ATXN1: variants seen among roughly 807,000 people sequenced by gnomAD.
ATXN1 encodes the protein ataxin-1.
A neutral mutation model predicts 56.4 loss-of-function variants in ATXN1; 8 were observed. That is an observed-to-expected ratio of 0.14 (90% CI 0.08 to 0.26). ATXN1 has a LOEUF of 0.26. Among genes scored for constraint, ATXN1 ranks in the 10% least tolerant of loss-of-function variants. The pLI is 1.00. For synonymous variants in ATXN1, 514 were observed against 494.6 expected (o/e 1.04, Z -0.52); for missense variants, 987 against 1,106.5 (o/e 0.89, Z 1.53).
chr6:16,662,316 C>A (rs1372603386), intron 2 of ATXN1, among the ~76,000 whole-genome samples: 2 of 149,054 alleles, frequency 1.3e-5, no homozygotes, highest in African/African-American at 5.0e-5. Context: ...AATGAAGCAT[C>A]TGCATCTTCA....
intron 4 of ATXN1, among the ~76,000 whole-genome samples, chr6:16,566,084 G>A (rs886203278): frequency 6.6e-6 from 1 of 152,150 alleles, no homozygotes. Context: ...ACTGGAAATT[G>A]AGAGCAGATT....
intron 6 of ATXN1, among the ~76,000 whole-genome samples, chr6:16,347,835 G>A (rs1156751348): frequency 1.3e-5 from 2 of 152,232 alleles, no homozygotes; most frequent in Non-Finnish European, 2.9e-5. Context: ...CGAGCCAGCA[G>A]TGGTAACCTT....
At chr6:16,367,838 G>A (rs936798021) in intron 6 of ATXN1, among the ~76,000 whole-genome samples, 1 of 152,150 alleles carries the variant, frequency 6.6e-6, no homozygotes. Flanking sequence ...CTTTGGAAAG[G>A]GGGTAGGTCC....
chr6:16,586,795 C>T (rs1762634167), intron 3 of ATXN1, among the ~76,000 whole-genome samples: 1 of 151,974 alleles, frequency 6.6e-6, no homozygotes, highest in South Asian at 2.1e-4. Context: ...CTGAGGTGGG[C>T]GGATCATGAG....
chr6:16,760,254 C>A lies in ATXN1; in HGVS notation c.-730+1044G>T, dbSNP rs1004099445. ...CCTCCTCCGCGGCGGCCGCCGCCTC[C>A]TCCTCCTTCCCCTCCTCCTGGCTTC... On this transcript the variant is annotated intron_variant, in intron 1 of 7. Transcript: ENST00000436367. This position sits in a 1 kb window ranked among gnomAD's most constrained non-coding sequence, Gnocchi z 5.3. 6.6e-6 allele frequency among the ~76,000 whole-genome samples: 1 copy of A among 152,014 alleles called. No homozygotes were observed. The highest frequency in any genetic ancestry group is 1.5e-5 in the Non-Finnish European group (1 of 67,966).
chr6:16,364,132 G>GA (rs1561867965), intron 6 of ATXN1, among the ~76,000 whole-genome samples: 1 of 152,098 alleles, frequency 6.6e-6, no homozygotes, highest in Admixed American at 6.5e-5. Flanking sequence ...ATGCCTTAAG[G>GA]ACCCCCCACT....
At chr6:16,456,369 G>C (rs1759873209) in intron 6 of ATXN1, among the ~76,000 whole-genome samples, 1 of 152,158 alleles carries the variant, frequency 6.6e-6, no homozygotes, top group South Asian at 2.1e-4. Context: ...CTGTCAGCCA[G>C]TTAAAAGCAA....
intron 3 of ATXN1, among the ~76,000 whole-genome samples, chr6:16,611,621 A>G (rs1389710933): frequency 5.1e-4 from 78 of 152,202 alleles, no homozygotes; most frequent in Non-Finnish European, 4.4e-5. Context: ...TAGAAGTGAC[A>G]GTTTTACAAC....
chr6:16,605,600 G>A (rs907592587), intron 3 of ATXN1, among the ~76,000 whole-genome samples: 1 of 152,164 alleles, frequency 6.6e-6, no homozygotes, highest in African/African-American at 2.4e-5. Flanking sequence ...GTATGCTCAG[G>A]GATTCAGATG....
At chr6:16,645,573 G>A (rs1429957284) in intron 3 of ATXN1, among the ~76,000 whole-genome samples, 1 of 152,108 alleles carries the variant, frequency 6.6e-6, no homozygotes, top group African/African-American at 2.4e-5. Flanking sequence ...GACCAAGGGT[G>A]AGGGAGCCAC....
chr6:16,660,760 T>C (rs1581340950), intron 2 of ATXN1, among the ~76,000 whole-genome samples: 1 of 151,816 alleles, frequency 6.6e-6, no homozygotes, highest in Non-Finnish European at 1.5e-5. Flanking sequence ...TAGACACAGA[T>C]TGCATAATAA....
chr6:16,606,753 C>T (rs1268555461), intron 3 of ATXN1, among the ~76,000 whole-genome samples: 1 of 151,794 alleles, frequency 6.6e-6, no homozygotes, highest in Non-Finnish European at 1.5e-5. Flanking sequence ...CGGTCTTGAT[C>T]TCCTGACCTC....
Position 16,402,263 on chromosome 6 carries a change from T to G in ATXN1, c.-160-73793A>C, listed in dbSNP as rs1418449263. 4.9e-5 allele frequency among the ~76,000 whole-genome samples: 7 copies of G among 143,206 alleles called. 1 individual carries two copies. Among genetic ancestry groups the G allele is most frequent in the African/African-American group, 1.1e-4 (4 of 37,666 alleles). 93.9% of individuals were successfully genotyped at this position (143,206 alleles called of 152,430 possible). A position where few individuals can be genotyped will look rare whatever the true frequency, so the allele number is the denominator to read the frequency against. ...GACAGTTTTTTTTTTTTTTTTTTTTTTTTTTTTTTTTTTTTTTGCTTCTAG... is the reference window on the plus strand; with the variant it reads ...GACAGTTTTTTTTTTTTTTTTTTTTGTTTTTTTTTTTTTTTTTGCTTCTAG... On this transcript the variant is annotated intron_variant, in intron 6 of 7. Coordinates refer to ENST00000436367, the MANE Select transcript of ATXN1 (RefSeq NM_001128164.2).
At chr6:16,507,667 G>A (rs965174969) in intron 5 of ATXN1, among the ~76,000 whole-genome samples, 2 of 151,916 alleles carry the variant, frequency 1.3e-5, no homozygotes, top group East Asian at 1.9e-4. Flanking sequence ...TGTATCTATT[G>A]GTCTCTTAAA....
intron 5 of ATXN1, among the ~76,000 whole-genome samples, chr6:16,517,872 C>A (rs1761215175): frequency 6.6e-6 from 1 of 152,210 alleles, no homozygotes; most frequent in South Asian, 2.1e-4. Context: ...ACAGACTTGC[C>A]AGACAAGACA....
At chr6:16,626,139 G>A (rs1257270717) in intron 3 of ATXN1, among the ~76,000 whole-genome samples, 1 of 152,130 alleles carries the variant, frequency 6.6e-6, no homozygotes, top group Admixed American at 6.5e-5. Flanking sequence ...CTGACACATA[G>A]TAAGCAATTA....
intron 6 of ATXN1, among the ~76,000 whole-genome samples, chr6:16,416,211 T>A (rs1269287954): frequency 6.6e-6 from 1 of 151,724 alleles, no homozygotes; most frequent in Non-Finnish European, 1.5e-5. Flanking sequence ...AAAAAAAAAA[T>A]TGGTCAATAA....
Position 16,562,663 on chromosome 6 carries a change from C to T in ATXN1, c.-361+23117G>A, listed in dbSNP as rs190777915. 4.6e-4 allele frequency among the ~76,000 whole-genome samples: 70 copies of T among 152,002 alleles called. 1 individual carries two copies. Among genetic ancestry groups the T allele is most frequent in the Non-Finnish European group, 7.4e-5 (5 of 68,002 alleles). Reference sequence around the variant, plus strand: ...TCTTAGGCCAGTGAAGACATTGGGCCGAGAAGTTTCCAGTGCTTGGATGAC... The same window carrying T: ...TCTTAGGCCAGTGAAGACATTGGGCTGAGAAGTTTCCAGTGCTTGGATGAC... On this transcript the variant is annotated intron_variant, in intron 4 of 7. Transcript: ENST00000436367.
chr6:16,666,225 G>A (rs571419923), intron 2 of ATXN1, among the ~76,000 whole-genome samples: 1 of 152,158 alleles, frequency 6.6e-6, no homozygotes, highest in African/African-American at 2.4e-5. Flanking sequence ...ATATGAGTGA[G>A]AATATGTGAT....
Sources: allele counts gnomAD v4.1 joint callset (sites outside exome capture counted in the v4.1 genomes callset), GRCh38; gene constraint gnomAD v4.1.1; non-coding constraint Gnocchi (gnomAD v3.1); transcripts MANE v1.5; gene names NCBI Gene and HGNC (gene_info 2026-07-23, HGNC 2026-07-21).